COX10: variants seen among roughly 807,000 people sequenced by gnomAD.
COX10 encodes the protein protoheme IX farnesyltransferase, mitochondrial.
In COX10, 27 loss-of-function variants were observed where a neutral mutation model predicts 37.3. The ratio of observed to expected loss-of-function variants is 0.72; its 90% CI spans 0.53 to 1.00. The LOEUF is 1.00. COX10 is among the 50% of genes least tolerant of loss of function. The probability of loss-of-function intolerance (pLI) is 0.00; values close to 1 mark genes in which losing one functional copy is unlikely to be tolerated. For synonymous variants in COX10, 222 were observed against 229.1 expected (o/e 0.97, Z 0.28); for missense variants, 475 against 563.2 (o/e 0.84, Z 1.59).
At chr17:14,194,320 A>G (rs1191663323) in intron 6 of COX10, among the ~76,000 whole-genome samples, 1 of 152,206 alleles carries the variant, frequency 6.6e-6, no homozygotes. Flanking sequence ...AGGCTAGAGA[A>G]AAAGAGCTTT....
chr17:14,174,692 T>C (rs1264180208), intron 5 of COX10, among the ~76,000 whole-genome samples: 1 of 152,028 alleles, frequency 6.6e-6, no homozygotes, highest in African/African-American at 2.4e-5. Flanking sequence ...ATTGCTAGTG[T>C]GAATGCAGAA....
chr17:14,140,150 A>G (rs1047379468), intron 4 of COX10, among the ~76,000 whole-genome samples: 1 of 152,172 alleles, frequency 6.6e-6, no homozygotes, highest in African/African-American at 2.4e-5. Context: ...TTTCCCAACC[A>G]TGTGCAAATC....
At chr17:14,085,928 TA>T (rs1915399537) in intron 3 of COX10, among the ~76,000 whole-genome samples, 1 of 152,224 alleles carries the variant, frequency 6.6e-6, no homozygotes, top group Non-Finnish European at 1.5e-5. Context: ...CTTAAGTTTT[TA>T]ATTTTGTACT....
intron 5 of COX10, among the ~76,000 whole-genome samples, chr17:14,171,115 G>A (rs950160032): frequency 6.6e-6 from 1 of 152,086 alleles, no homozygotes; most frequent in African/African-American, 2.4e-5. Context: ...TTATGATTAA[G>A]TTGGTAGGCA....
At chr17:14,190,174 A>C (rs1906157292) in intron 5 of COX10, among the ~76,000 whole-genome samples, 1 of 152,218 alleles carries the variant, frequency 6.6e-6, no homozygotes, top group Admixed American at 6.5e-5. Flanking sequence ...GAGTTAAAAT[A>C]GTCACTATAA....
chr17:14,121,337 C>G (rs1396453332), intron 4 of COX10, among the ~76,000 whole-genome samples: 1 of 152,132 alleles, frequency 6.6e-6, no homozygotes, highest in Non-Finnish European at 1.5e-5. Flanking sequence ...AAGTCAGAAG[C>G]AAGGTTAAGG....
intron 5 of COX10, among the ~76,000 whole-genome samples, chr17:14,164,453 A>G (rs12453546): frequency 0.025 from 3,746 of 152,328 alleles, 211 homozygotes; most frequent in Admixed American, 0.14. Context: ...ATGTTCTATC[A>G]TGTTTTTGTA....
rs1351143025 is a variant in COX10 at position 14,207,322 on chromosome 17, C to T, written c.*109C>T. ...GCTGGGTTTAGAACAAGATTATAAACGAATTCGGTGCTCAGTGATCACTTG... is the reference window on the plus strand; with the variant it reads ...GCTGGGTTTAGAACAAGATTATAAATGAATTCGGTGCTCAGTGATCACTTG... On this transcript the variant is annotated 3_prime_UTR_variant, in exon 7 of 7. Coordinates refer to ENST00000261643, the MANE Select transcript of COX10 (RefSeq NM_001303.4). 1.7e-5 allele frequency: 23 copies of T among 1,353,230 alleles called. No individual in the cohort carries two copies. In the Admixed American group the frequency reaches 3.2e-4, roughly 19 times the overall value. The allele number at this position is 1,353,230 out of a possible 1,614,324, so 83.8% of individuals were successfully genotyped here.
chr17:14,203,601 CT>C (rs1906611517), intron 6 of COX10, among the ~76,000 whole-genome samples: 1 of 152,208 alleles, frequency 6.6e-6, no homozygotes, highest in Admixed American at 6.5e-5. Flanking sequence ...ACTCTGCACT[CT>C]GTGCTGTTGA....
chr17:14,156,385 G>A (rs888079528), intron 4 of COX10, among the ~76,000 whole-genome samples: 25 of 151,914 alleles, frequency 1.6e-4, no homozygotes, highest in African/African-American at 5.1e-4. Context: ...ACCCGCCACC[G>A]CGCCCGGCTA....
At chr17:14,154,468 A>G (rs1179326061) in intron 4 of COX10, among the ~76,000 whole-genome samples, 1 of 152,218 alleles carries the variant, frequency 6.6e-6, no homozygotes. Flanking sequence ...TGCAATTTAT[A>G]TGAATTCACA....
At chr17:14,166,755 G>T (rs1239259374) in intron 5 of COX10, among the ~76,000 whole-genome samples, 4 of 149,734 alleles carry the variant, frequency 2.7e-5, no homozygotes, top group African/African-American at 9.8e-5. Flanking sequence ...GGGATTACAG[G>T]CATGTGCCAC....
At chr17:14,108,780 T>A (rs1212964903) in intron 4 of COX10, among the ~76,000 whole-genome samples, 1 of 152,160 alleles carries the variant, frequency 6.6e-6, no homozygotes, top group African/African-American at 2.4e-5. Flanking sequence ...AGGTAAAGAT[T>A]TTTTTGTTTT....
chr17:14,080,934 T>G (rs1204345205), intron 3 of COX10, among the ~76,000 whole-genome samples: 1 of 152,202 alleles, frequency 6.6e-6, no homozygotes, highest in Non-Finnish European at 1.5e-5. Flanking sequence ...ACTCATGTTT[T>G]CCTCTGATGC....
chr17:14,098,003 T>C (rs1915688200), intron 3 of COX10, among the ~76,000 whole-genome samples: 1 of 152,190 alleles, frequency 6.6e-6, no homozygotes, highest in Non-Finnish European at 1.5e-5. Flanking sequence ...ATTATAGATG[T>C]AACTATTTTC....
intron 4 of COX10, among the ~76,000 whole-genome samples, chr17:14,154,310 T>G (rs956739450): frequency 1.3e-5 from 2 of 152,224 alleles, no homozygotes; most frequent in African/African-American, 4.8e-5. Context: ...TTATGACTGT[T>G]AAAAAGAGAT....
rs543846226 is a variant in COX10, at chr17:14,137,295, G to C, written c.625-22582G>C. ...ACATATTAAATATTATTTCAATATA[G>C]AAAAAGTGGTCTCAGTAAATTGTTT... On this transcript the variant is annotated intron_variant, in intron 4 of 6. Transcript: ENST00000261643. Among the ~76,000 whole-genome samples, 23 of 150,872 alleles carry C rather than the reference G, an allele frequency of 1.5e-4. 1 individual carries two copies. The highest frequency in any genetic ancestry group is 1.2e-3 in the Admixed American group (18 of 15,130).
At position 14,207,173 on chromosome 17, in the gene COX10, G is replaced by C. The variant is rs569879930; in HGVS notation, c.1292G>C (p.Arg431Pro). Residue 431 changes from arginine to proline, a missense_variant, in exon 7 of 7, where the codon CGG (arginine) becomes CCG (proline). Physicochemically the swap from Arg to Pro is moderately radical, Grantham distance 103. Transcript: ENST00000261643. ...CTGCTGCTCATGCTCACCTGCAAGC[G>C]GCCGAGCGGAGGCGGGGACGCAGGG... Reference protein sequence around the residue: ...LLLLLMLTCKRPSGGGDAGPP... With the variant: ...LLLLLMLTCKPPSGGGDAGPP... 1.1e-4 allele frequency: 181 copies of C among 1,608,938 alleles called. 2 individuals are homozygous for C. The South Asian group carries it at 1.9e-3, about 17-fold the overall frequency.
rs1032138928 is a variant in COX10, at chr17:14,207,955, AG to A, written c.*745del. The A allele has an allele frequency of 6.6e-6, 1 of 152,338 alleles. No homozygotes were observed. The highest frequency in any genetic ancestry group is 1.5e-5 in the Non-Finnish European group (1 of 68,166). 9.4% of individuals were successfully genotyped at this position (152,338 alleles called of 1,614,324 possible). A position where few individuals can be genotyped will look rare whatever the true frequency, so the allele number is the denominator to read the frequency against. On this transcript the variant is annotated 3_prime_UTR_variant, in exon 7 of 7. Coordinates refer to ENST00000261643, the MANE Select transcript of COX10 (RefSeq NM_001303.4). ...ACTGTTGGAAGCAGTTCCTTCTAAA[AG>A]GGTAGCCCTGGACTTAATACCAGCC...
Sources: gnomAD v4.1 joint callset for allele counts (sites outside exome capture counted in the v4.1 genomes callset) on GRCh38, gnomAD v4.1.1 for gene constraint, MANE v1.5 for transcripts, NCBI Gene and HGNC (gene_info 2026-07-23, HGNC 2026-07-21) for gene names.